The following ANO4 variants were observed in gnomAD, a reference collection of about 807,000 sequenced individuals.
ANO4 encodes the protein anoctamin-4.
Under a neutral mutation model 141.9 loss-of-function variants are expected in ANO4, and 69 were observed. The ratio of observed to expected loss-of-function variants is 0.49; its 90% CI spans 0.40 to 0.59. The LOEUF is 0.59. Ranked by LOEUF, ANO4 falls within the 20% of genes least tolerant of loss-of-function variation. The pLI is 0.00. For missense variants in ANO4, 894 were observed against 1,162.2 expected (o/e 0.77, Z 3.36); for synonymous variants, 350 against 394.3 (o/e 0.89, Z 1.33).
At chr12:100,928,174 T>G in intron 3 of ANO4, among the ~76,000 whole-genome samples, 1 of 136,676 alleles carries the variant, frequency 7.3e-6, no homozygotes, top group African/African-American at 2.6e-5. Flanking sequence ...GGTATGGGGG[T>G]GAGCGGGGCC....
intron 1 of ANO4, among the ~76,000 whole-genome samples, chr12:100,806,524 GTTTTT>G (rs763949654): frequency 1.7e-5 from 1 of 59,882 alleles, no homozygotes; most frequent in African/African-American, 5.6e-5. Context: ...TTTTTGTTTC[GTTTTT>G]TTTTTTTTTT....
At chr12:101,048,425 C>T (rs2047721476) in intron 14 of ANO4, 24 bp downstream of exon 14, 2 of 1,605,152 alleles carry the variant, frequency 1.2e-6, no homozygotes, top group African/African-American at 2.7e-5. Context: ...AACCATAAAA[C>T]TTGAGTTTTC....
intron 2 of ANO4, among the ~76,000 whole-genome samples, chr12:100,909,410 AC>A (rs2041001082): frequency 6.6e-6 from 1 of 152,076 alleles, no homozygotes; most frequent in South Asian, 2.1e-4. Flanking sequence ...TTCTTCTGCT[AC>A]CTTGACTACA....
At chr12:101,064,765 G>A (rs889274102) in intron 14 of ANO4, among the ~76,000 whole-genome samples, 15 of 151,530 alleles carry the variant, frequency 9.9e-5, no homozygotes, top group Non-Finnish European at 1.3e-4. Context: ...TATCAACAAC[G>A]GTCCAAAAAT....
At chr12:101,092,222 CA>C (rs754145181) in intron 17 of ANO4, among the ~76,000 whole-genome samples, 249 of 139,754 alleles carry the variant, frequency 1.8e-3, no homozygotes, top group Non-Finnish European at 1.8e-3. Flanking sequence ...TCTCATCTTC[CA>C]AAAAAAAAAA....
chr12:100,881,734 T>C (rs1461815322), intron 1 of ANO4, among the ~76,000 whole-genome samples: 1 of 152,214 alleles, frequency 6.6e-6, no homozygotes, highest in Non-Finnish European at 1.5e-5. Context: ...TCTCTACTTG[T>C]AGAGTTTTTA....
intron 2 of ANO4, among the ~76,000 whole-genome samples, chr12:100,737,170 A>T (rs1032209361): frequency 3.3e-5 from 5 of 152,178 alleles, no homozygotes; most frequent in Admixed American, 2.0e-4. Flanking sequence ...TAACAGGGAC[A>T]CCAGAGGCAG....
At chr12:100,760,250 A>G (rs2032794014) in intron 3 of ANO4, among the ~76,000 whole-genome samples, 1 of 152,124 alleles carries the variant, frequency 6.6e-6, no homozygotes, top group South Asian at 2.1e-4. Flanking sequence ...AATACCTACT[A>G]TGTATTGCCT....
At chr12:100,984,788 T>A in intron 7 of ANO4, among the ~76,000 whole-genome samples, 1 of 152,210 alleles carries the variant, frequency 6.6e-6, no homozygotes, top group East Asian at 1.9e-4. Context: ...ATATTTCAAT[T>A]AATTAATCAT....
chr12:100,768,192 G>T (rs139346110), intron 3 of ANO4, among the ~76,000 whole-genome samples: 11 of 152,336 alleles, frequency 7.2e-5, no homozygotes, highest in African/African-American at 2.6e-4. Context: ...GGGCTGGCCT[G>T]GTGCCAGGTT....
intron 22 of ANO4, among the ~76,000 whole-genome samples, chr12:101,108,983 G>A (rs1049215695): frequency 1.3e-5 from 2 of 152,090 alleles, no homozygotes; most frequent in Non-Finnish European, 2.9e-5. Flanking sequence ...ATCCAGCATT[G>A]CATTTAGATA....
At position 100,840,579 on chromosome 12, in the gene ANO4, C is replaced by T. The variant is rs141451072; in HGVS notation, c.-141+45552C>T. Among the ~76,000 whole-genome samples the T allele has an allele frequency of 3.3e-4, 50 of 152,144 alleles. No individual in the cohort carries two copies. The East Asian group carries it at 8.7e-3, about 27-fold the overall frequency. On this transcript the variant is annotated intron_variant, in intron 1 of 27. Coordinates refer to ENST00000392977, the MANE Select transcript of ANO4 (RefSeq NM_001286615.2). The stretch of plus-strand genomic sequence containing the variant: ...TCAGTGCTCTTTTATTTTTACTTCT[C>T]CTGTTCATATTGAATTGTTTCAGAG...
rs181218022 is a variant in ANO4, at chr12:101,073,352, C to T, written c.1313-5841C>T. On this transcript the variant is annotated intron_variant, in intron 14 of 27. Coordinates refer to ENST00000392977, the MANE Select transcript of ANO4 (RefSeq NM_001286615.2). ...AAACCAAACACCGCATGTTCTCACTCGTAAGTGGGTATTGAACAGTGAGAA... is the reference window on the plus strand; with the variant it reads ...AAACCAAACACCGCATGTTCTCACTTGTAAGTGGGTATTGAACAGTGAGAA... 5.3e-4 allele frequency among the ~76,000 whole-genome samples: 81 copies of T among 152,064 alleles called. 1 individual carries two copies. The highest frequency in any genetic ancestry group is 1.8e-3 in the African/African-American group (73 of 41,478).
At chr12:100,927,190 A>G (rs930683313) in intron 3 of ANO4, among the ~76,000 whole-genome samples, 6 of 152,156 alleles carry the variant, frequency 3.9e-5, no homozygotes, top group African/African-American at 1.4e-4. Flanking sequence ...CAAAACTCCT[A>G]GGACCTTTGC....
intron 1 of ANO4, among the ~76,000 whole-genome samples, chr12:100,841,212 C>T (rs2037228263): frequency 6.6e-6 from 1 of 152,064 alleles, no homozygotes; most frequent in Non-Finnish European, 1.5e-5. Flanking sequence ...CTACTAAAGC[C>T]TAAAATGACA....
chr12:100,945,795 A>G (rs1039724305), intron 5 of ANO4, among the ~76,000 whole-genome samples: 15 of 152,168 alleles, frequency 9.9e-5, no homozygotes, highest in African/African-American at 3.6e-4. Context: ...AAACTAATAT[A>G]ATTAGGTAAA....
chr12:100,827,910 T>C (rs566308615), intron 1 of ANO4, among the ~76,000 whole-genome samples: 5 of 152,012 alleles, frequency 3.3e-5, no homozygotes, highest in South Asian at 4.1e-4. Flanking sequence ...TTCTAACATA[T>C]ATATGTTGGG....
rs377502657 is a variant in ANO4, at chr12:100,984,249, A to G, written c.603-3290A>G. Reference sequence around the variant, plus strand: ...GTAGCTGGGATTACAGGTGCACACCACCATGCCTGGCTAATATTTGTATTT... The same window carrying G: ...GTAGCTGGGATTACAGGTGCACACCGCCATGCCTGGCTAATATTTGTATTT... On this transcript the variant is annotated intron_variant, in intron 7 of 27. Transcript: ENST00000392977. Among the ~76,000 whole-genome samples the G allele has an allele frequency of 1.4e-4, 22 of 152,256 alleles. 1 individual carries two copies. Among genetic ancestry groups the G allele is most frequent in the African/African-American group, 5.1e-4 (21 of 41,552 alleles).
intron 11 of ANO4, among the ~76,000 whole-genome samples, chr12:101,040,530 A>G (rs1209502344): frequency 1.3e-5 from 2 of 152,230 alleles, no homozygotes; most frequent in Non-Finnish European, 2.9e-5. Flanking sequence ...AATAACCTTT[A>G]AAGATTGTTT....
Sources: allele counts gnomAD v4.1 joint callset (sites outside exome capture counted in the v4.1 genomes callset), GRCh38; gene constraint gnomAD v4.1.1; transcripts MANE v1.5; gene names NCBI Gene and HGNC (gene_info 2026-07-23, HGNC 2026-07-21).